The following NRG1 variants were observed in gnomAD, a reference collection of about 807,000 sequenced individuals.
NRG1 encodes neuregulin 1, also known as pro-neuregulin-1, membrane-bound isoform.
Under a neutral mutation model 63.8 loss-of-function variants are expected in NRG1, and 18 were observed. The ratio of observed to expected loss-of-function variants is 0.28; its 90% CI spans 0.19 to 0.42. NRG1 has a LOEUF of 0.42. NRG1 is among the 10% of genes least tolerant of loss of function. The pLI, the probability that NRG1 is intolerant of heterozygous loss-of-function variation, is 1.00. For missense variants in NRG1, 762 were observed against 814.7 expected, an observed-to-expected ratio of 0.94 and a Z score of 0.79; for synonymous variants, 302 against 301.3, an observed-to-expected ratio of 1.00 and a Z score of -0.02.
intron 1 of NRG1, among the ~76,000 whole-genome samples, chr8:32,085,248 G>C (rs1371523016): frequency 6.6e-6 from 1 of 152,166 alleles, no homozygotes. Flanking sequence ...CTGCTAGTCA[G>C]AGAGAATGTT....
intron 1 of NRG1, among the ~76,000 whole-genome samples, chr8:31,641,142 G>T (rs980062557): frequency 6.6e-6 from 1 of 152,174 alleles, no homozygotes; most frequent in Non-Finnish European, 1.5e-5. Context: ...TTCACTTGGA[G>T]TCCAGAGTGT....
At chr8:32,690,329 A>G (rs1809252602) in intron 5 of NRG1, among the ~76,000 whole-genome samples, 3 of 151,934 alleles carry the variant, frequency 2.0e-5, no homozygotes, top group Admixed American at 2.0e-4. Context: ...CCCCACAGCA[A>G]GTCCCTTACC....
chr8:32,438,557 G>A (rs1034900409), intron 1 of NRG1, among the ~76,000 whole-genome samples: 7 of 152,112 alleles, frequency 4.6e-5, no homozygotes, highest in Non-Finnish European at 1.0e-4. Context: ...AGGAATGAGT[G>A]TGATTTCTAG....
In NRG1 at chr8:32,133,253, C is replaced by G. The variant is rs139817746; in HGVS notation, c.38-462575C>G. On this transcript the variant is annotated intron_variant, in intron 1 of 10. Transcript: ENST00000519301. Reference sequence around the variant, plus strand: ...TAGAATCAGTGGTGTGCTGGTGTAACAATCAGCTCCTAGAGGGTGAGGCAG... The same window carrying G: ...TAGAATCAGTGGTGTGCTGGTGTAAGAATCAGCTCCTAGAGGGTGAGGCAG... Among the ~76,000 whole-genome samples the G allele has an allele frequency of 6.1e-3, 927 of 152,136 alleles. 2 individuals carry two copies. Among genetic ancestry groups the G allele is most frequent in the Non-Finnish European group, 0.011 (742 of 67,986 alleles).
At chr8:32,120,757 T>C (rs1158188379) in intron 1 of NRG1, among the ~76,000 whole-genome samples, 1 of 152,110 alleles carries the variant, frequency 6.6e-6, no homozygotes, top group Non-Finnish European at 1.5e-5. Flanking sequence ...GGTTGTCACC[T>C]GCCTAACCAG....
chr8:31,859,462 A>C (rs959443608), intron 1 of NRG1, among the ~76,000 whole-genome samples: 3 of 152,172 alleles, frequency 2.0e-5, no homozygotes, highest in African/African-American at 7.2e-5. Flanking sequence ...CTCGTTCGTA[A>C]ACCATCGTCC....
At chr8:32,546,203 T>C (rs551589247), upstream of NRG1, among the ~76,000 whole-genome samples, 1 of 152,120 alleles carries the variant, frequency 6.6e-6, no homozygotes, top group South Asian at 2.1e-4. Flanking sequence ...CACTGAAAAA[T>C]TACTCTAAAA....
At chr8:32,349,059 A>G (rs776225753) in intron 1 of NRG1, among the ~76,000 whole-genome samples, 2 of 152,196 alleles carry the variant, frequency 1.3e-5, no homozygotes, top group Non-Finnish European at 2.9e-5. Flanking sequence ...TGTGCCTTGA[A>G]TTACACTTTT....
chr8:32,290,672 CCTT>C (rs1303043525), intron 1 of NRG1, among the ~76,000 whole-genome samples: 1 of 152,176 alleles, frequency 6.6e-6, no homozygotes, highest in South Asian at 2.1e-4. Context: ...CATTACTAAA[CCTT>C]CTGCCGACCC....
intron 1 of NRG1, among the ~76,000 whole-genome samples, chr8:31,826,709 T>G (rs921890048): frequency 4.3e-4 from 65 of 152,274 alleles, no homozygotes; most frequent in African/African-American, 1.5e-3. Context: ...TGGAGGCCAG[T>G]GCTTAGGTGT....
At chr8:32,472,845 G>A (rs1490490323) in intron 1 of NRG1, among the ~76,000 whole-genome samples, 1 of 152,194 alleles carries the variant, frequency 6.6e-6, no homozygotes, top group Non-Finnish European at 1.5e-5. Flanking sequence ...GGGAGTGGCA[G>A]CCATCTGGTG....
At chr8:32,570,549 A>C (rs2129528613) in intron 1 of NRG1, among the ~76,000 whole-genome samples, 1 of 152,316 alleles carries the variant, frequency 6.6e-6, no homozygotes, top group Admixed American at 6.5e-5. Flanking sequence ...CAAGTTCATC[A>C]GAAAAAATTT....
At chr8:31,979,529 T>C (rs901269425) in intron 1 of NRG1, among the ~76,000 whole-genome samples, 15 of 152,230 alleles carry the variant, frequency 9.9e-5, no homozygotes, top group African/African-American at 3.4e-4. Flanking sequence ...TCTTCTTCTT[T>C]CTGGAATTCC....
chr8:32,219,488 A>G (rs764764074), intron 1 of NRG1, among the ~76,000 whole-genome samples: 176 of 152,280 alleles, frequency 1.2e-3, no homozygotes, highest in Non-Finnish European at 2.1e-3. Flanking sequence ...CCCTTCAATC[A>G]CATACCACCC....
intron 1 of NRG1, among the ~76,000 whole-genome samples, chr8:32,251,982 C>T (rs1051849411): frequency 6.6e-6 from 1 of 152,104 alleles, no homozygotes; most frequent in African/African-American, 2.4e-5. Context: ...TGTTTGTTAG[C>T]CACATAAATG....
chr8:32,645,619 T>C (rs971104640), intron 5 of NRG1, among the ~76,000 whole-genome samples: 2 of 152,206 alleles, frequency 1.3e-5, no homozygotes, highest in Non-Finnish European at 2.9e-5. Flanking sequence ...AAGCGGATTT[T>C]CTCAGGACTT....
At chr8:32,044,925 A>AAAAAAAC (rs1820741845) in intron 1 of NRG1, among the ~76,000 whole-genome samples, 2 of 148,654 alleles carry the variant, frequency 1.3e-5, no homozygotes, top group Admixed American at 6.7e-5. Context: ...AAAAAAAAAA[A>AAAAAAAC]AAAAAACACA....
chr8:31,787,887 C>T (rs1287635778), intron 1 of NRG1, among the ~76,000 whole-genome samples: 6 of 152,140 alleles, frequency 3.9e-5, no homozygotes, highest in Non-Finnish European at 8.8e-5. Context: ...AGAGCAATAG[C>T]TAGCATTTGT....
chr8:31,775,183 G>A (rs937303419), intron 1 of NRG1, among the ~76,000 whole-genome samples: 2 of 152,188 alleles, frequency 1.3e-5, no homozygotes, highest in Admixed American at 6.5e-5. Context: ...GCAAAGTCAT[G>A]GCATCAGCAC....
Sources: allele counts gnomAD v4.1 joint callset (sites outside exome capture counted in the v4.1 genomes callset), GRCh38; gene constraint gnomAD v4.1.1; transcripts MANE v1.5; gene names NCBI Gene and HGNC (gene_info 2026-07-23, HGNC 2026-07-21).